The following FGD3 variants were observed in gnomAD, a reference collection of about 807,000 sequenced individuals.
FGD3 encodes the protein FYVE, RhoGEF and PH domain-containing protein 3.
In FGD3, 45 loss-of-function variants were observed where a neutral mutation model predicts 71.8. The ratio of observed to expected loss-of-function variants is 0.63; its 90% CI spans 0.49 to 0.80. FGD3 has a LOEUF of 0.80. FGD3 is among the 30% of genes least tolerant of loss of function. The probability of loss-of-function intolerance (pLI) is 0.00; values close to 1 mark genes in which losing one functional copy is unlikely to be tolerated. For synonymous variants in FGD3, 378 were observed against 392.8 expected (o/e 0.96, Z 0.44); for missense variants, 844 against 951.5 (o/e 0.89, Z 1.49).
intron 1 of FGD3, among the ~76,000 whole-genome samples, chr9:92,967,286 A>G (rs924201863): frequency 6.6e-6 from 1 of 151,862 alleles, no homozygotes; most frequent in Non-Finnish European, 1.5e-5. Context: ...TTAAGTGATC[A>G]GTACAGTGCC....
intron 10 of FGD3, among the ~76,000 whole-genome samples, chr9:93,017,648 A>G (rs1247994586): frequency 3.3e-5 from 5 of 152,066 alleles, no homozygotes; most frequent in Admixed American, 2.0e-4. Flanking sequence ...ACATTGTCCT[A>G]TTTACATGTC....
At chr9:93,002,377 A>C (rs143428520) in intron 3 of FGD3, among the ~76,000 whole-genome samples, 8 of 152,288 alleles carry the variant, frequency 5.3e-5, no homozygotes, top group African/African-American at 1.9e-4. Flanking sequence ...TGAGTCCAGG[A>C]GTTCAAGACC....
intron 3 of FGD3, among the ~76,000 whole-genome samples, chr9:92,982,568 A>AT (rs34286084): frequency 0.59 from 86,905 of 147,156 alleles, 25,532 homozygotes; most frequent in Middle Eastern, 0.68. Flanking sequence ...GTATTCATTC[A>AT]TTTTTTTTTT....
At chr9:93,022,662 A>G (rs543160639) in intron 14 of FGD3, among the ~76,000 whole-genome samples, 3 of 152,108 alleles carry the variant, frequency 2.0e-5, no homozygotes, top group Admixed American at 1.3e-4. Context: ...GGGGATGTCC[A>G]TTACCTGGTT....
rs10123993 is a variant in FGD3, at chr9:92,974,172, G to A, written c.-217-1066G>A. On this transcript the variant is annotated intron_variant, in intron 1 of 17. Transcript: ENST00000375482. ...TCCTGACCAGAAGCATAATTCCCCCGAGATGGGGTTGAACCAGGCTCTGTC... is the reference window on the plus strand; with the variant it reads ...TCCTGACCAGAAGCATAATTCCCCCAAGATGGGGTTGAACCAGGCTCTGTC... Among the ~76,000 whole-genome samples the A allele has an allele frequency of 7.4e-3, 1,120 of 152,198 alleles. 16 individuals carry two copies. The highest frequency in any genetic ancestry group is 0.025 in the African/African-American group (1,043 of 41,520).
intron 1 of FGD3, among the ~76,000 whole-genome samples, chr9:92,965,787 T>C (rs1859302422): frequency 6.6e-6 from 1 of 152,140 alleles, no homozygotes; most frequent in Non-Finnish European, 1.5e-5. Flanking sequence ...GAGTCACTGG[T>C]GCATGTGCTG....
rs377204137 is a variant in FGD3, at chr9:92,976,333, G to T, written c.77G>T (p.Ser26Ile). 6 of 1,610,664 alleles carry T rather than the reference G, an allele frequency of 3.7e-6. No individual in the cohort carries two copies. In the South Asian group the frequency reaches 6.6e-5, roughly 18 times the overall value. Residue 26 changes from serine to isoleucine, a missense_variant, in exon 3 of 18, where the codon AGT becomes ATT. Transcript: ENST00000375482. ...ALGMPDTGPG[S>I]SSLGKLQALP... ...GGGATGCCAGACACTGGGCCTGGCA[G>T]TTCCTCCCTAGGGAAGCTTCAGGCG...
chr9:92,980,560 A>AT (rs570896030), intron 3 of FGD3, among the ~76,000 whole-genome samples: 72 of 145,666 alleles, frequency 4.9e-4, no homozygotes, highest in East Asian at 8.0e-4. Context: ...TTGATTCAAG[A>AT]TTTTTTTTTT....
At position 92,976,377 on chromosome 9, in the gene FGD3, G is replaced by C; in HGVS notation, c.121G>C (p.Ala41Pro). ...KLQALPVGPR[A>P]HCGDPVSLAA... Reference sequence around the variant, plus strand: ...TCAGGCGCTCCCTGTTGGGCCCAGAGCCCACTGTGGGGACCCTGTCAGCCT... The same window carrying C: ...TCAGGCGCTCCCTGTTGGGCCCAGACCCCACTGTGGGGACCCTGTCAGCCT... Residue 41 changes from alanine to proline, a missense_variant, in exon 3 of 18, where the codon GCC (alanine) becomes CCC (proline). By Grantham distance (27) the Ala-to-Pro change is conservative. Coordinates refer to ENST00000375482, the MANE Select transcript of FGD3 (RefSeq NM_001083536.2). The C allele has an allele frequency of 6.2e-7, 1 of 1,610,698 alleles. No homozygotes were observed. The highest frequency in any genetic ancestry group is 8.5e-7 in the Non-Finnish European group (1 of 1,179,006).
chr9:93,023,982 T>C (rs1404937101), intron 14 of FGD3, among the ~76,000 whole-genome samples: 1 of 151,894 alleles, frequency 6.6e-6, no homozygotes, highest in Non-Finnish European at 1.5e-5. Context: ...TTTGTATTTT[T>C]AGTAGAGACG....
chr9:93,011,036 G>T (rs374602697), intron 7 of FGD3, among the ~76,000 whole-genome samples, 178 bp from the exon 8 acceptor site: 3 of 152,098 alleles, frequency 2.0e-5, no homozygotes, highest in Admixed American at 2.0e-4. Flanking sequence ...TGTCTGCAGG[G>T]TCAGAGGCAG....
intron 14 of FGD3, among the ~76,000 whole-genome samples, chr9:93,025,614 T>C (rs567050327): frequency 6.6e-6 from 1 of 152,322 alleles, no homozygotes; most frequent in South Asian, 2.1e-4. Flanking sequence ...ATTTCTTCAG[T>C]GGTATAGTCC....
chr9:92,982,788 A>T (rs978284148), intron 3 of FGD3, among the ~76,000 whole-genome samples: 1 of 152,176 alleles, frequency 6.6e-6, no homozygotes, highest in Non-Finnish European at 1.5e-5. Context: ...ATAGCTGACT[A>T]TAAAAACCAC....
At chr9:93,010,755 G>T (rs1587852384) in intron 7 of FGD3, among the ~76,000 whole-genome samples, 1 of 151,858 alleles carries the variant, frequency 6.6e-6, no homozygotes, top group African/African-American at 2.4e-5. Flanking sequence ...GAACAAGTGA[G>T]CCCCCTAGCA....
chr9:93,025,036 A>C (rs1318993980), intron 14 of FGD3, among the ~76,000 whole-genome samples: 1 of 152,154 alleles, frequency 6.6e-6, no homozygotes, highest in Non-Finnish European at 1.5e-5. Context: ...CACAGGCGAG[A>C]AGGTAATTGG....
intron 1 of FGD3, among the ~76,000 whole-genome samples, chr9:92,968,148 C>T (rs1587816880): frequency 6.6e-6 from 1 of 152,084 alleles, no homozygotes; most frequent in Admixed American, 6.6e-5. Flanking sequence ...GAGGTAGATA[C>T]CCCCCGCCCA....
At chr9:92,951,991 C>T (rs566856198) in intron 1 of FGD3, among the ~76,000 whole-genome samples, 150 of 152,126 alleles carry the variant, frequency 9.9e-4, no homozygotes, top group African/African-American at 3.3e-3. Flanking sequence ...GTTTTTTGAC[C>T]CTCTCCCTGA....
intron 1 of FGD3, among the ~76,000 whole-genome samples, chr9:92,958,498 C>T (rs997565915): frequency 3.3e-5 from 5 of 152,150 alleles, no homozygotes; most frequent in African/African-American, 1.2e-4. Flanking sequence ...ATGTGGCTGG[C>T]CTTTTCACGT....
chr9:92,962,389 C>T (rs890812742), intron 1 of FGD3, among the ~76,000 whole-genome samples: 1 of 152,196 alleles, frequency 6.6e-6, no homozygotes, highest in Admixed American at 6.5e-5. Context: ...GAAGGCTGAA[C>T]CAGGTGGTGG....
Sources: gnomAD v4.1 joint callset for allele counts (sites outside exome capture counted in the v4.1 genomes callset) on GRCh38, gnomAD v4.1.1 for gene constraint, MANE v1.5 for transcripts, NCBI Gene and HGNC (gene_info 2026-07-23, HGNC 2026-07-21) for gene names.